The following A3GALT2 variants were observed in gnomAD, a reference collection of about 807,000 sequenced individuals.
A3GALT2 encodes the protein alpha-1,3-galactosyltransferase 2.
Under a neutral mutation model 16.6 loss-of-function variants are expected in A3GALT2, and 14 were observed. The observed-to-expected ratio is 0.84, with a 90% confidence interval of 0.56 to 1.32. A3GALT2 has a LOEUF of 1.32. Among genes scored for constraint, A3GALT2 ranks in the 40% most tolerant of loss-of-function variants. The pLI is 0.00. For missense variants in A3GALT2, 600 were observed against 490.9 expected (o/e 1.22, Z -2.10); for synonymous variants, 253 against 218.0 (o/e 1.16, Z -1.42).
rs140169045 is a variant in A3GALT2, at chr1:33,310,914, G to A, written c.335+1138C>T. ...CCCAAGTAGCCCAGCAGTTCTGCCC[G>A]CCTGGTCCACGGGGCAGCCCTTGGT... On this transcript the variant is annotated intron_variant, in intron 4 of 4. Coordinates refer to ENST00000442999, the MANE Select transcript of A3GALT2 (RefSeq NM_001080438.1). Among the ~76,000 whole-genome samples the A allele has an allele frequency of 2.8e-3, 428 of 152,294 alleles. 3 individuals carry two copies. Among genetic ancestry groups the A allele is most frequent in the African/African-American group, 0.01 (416 of 41,552 alleles).
At position 33,319,925 on chromosome 1, in the gene A3GALT2, T is replaced by G. The variant is rs1028884233; in HGVS notation, c.23+1151A>C. ...TCAGTAGGCATTTGCCATTCCTGTTTACACTTTACACCAAGGCATTTGCAC... is the reference window on the plus strand; with the variant it reads ...TCAGTAGGCATTTGCCATTCCTGTTGACACTTTACACCAAGGCATTTGCAC... On this transcript the variant is annotated intron_variant, in intron 1 of 4. Transcript: ENST00000442999. Among the ~76,000 whole-genome samples the G allele has an allele frequency of 3.3e-5, 5 of 152,028 alleles. No homozygotes were observed. In the Admixed American group the frequency reaches 3.3e-4, roughly 10 times the overall value.
intron 4 of A3GALT2, among the ~76,000 whole-genome samples, chr1:33,308,750 G>GTTTTTTTTTTTTTTTTTTTTT (rs56655319): frequency 1.7e-4 from 8 of 46,116 alleles, no homozygotes; most frequent in South Asian, 1.0e-3. Context: ...TGTCAAAGTT[G>GTTTTTTTTTTTTTTTTTTTTT]TTTTTTTTTT....
chr1:33,321,066 C>G lies in A3GALT2; in HGVS notation c.23+10G>C, dbSNP rs780660437. ...GCTTTCTTCCTCTCCATACCATTGT[C>G]CCCCCTCACCTGAGTCCCTCCTTGA... On this transcript the variant is annotated intron_variant, in intron 1 of 4. Coordinates refer to ENST00000442999, the MANE Select transcript of A3GALT2 (RefSeq NM_001080438.1). 6.2e-7 allele frequency: 1 copy of G among 1,612,968 alleles called. No individual in the cohort carries two copies. The highest frequency in any genetic ancestry group is 1.3e-5 in the African/African-American group (1 of 74,890).
At chr1:33,309,566 G>C (rs1646222675) in intron 4 of A3GALT2, among the ~76,000 whole-genome samples, 5 of 151,124 alleles carry the variant, frequency 3.3e-5, no homozygotes, top group South Asian at 4.2e-4. Flanking sequence ...GCCGGGCGGA[G>C]GGGCTCCTCA....
At position 33,312,840 on chromosome 1, in the gene A3GALT2, A is replaced by G; in HGVS notation, c.74T>C (p.Leu25Ser). 2 of 1,605,910 alleles carry G rather than the reference A, an allele frequency of 1.2e-6. No homozygotes were observed. The highest frequency in any genetic ancestry group is 1.7e-6 in the Non-Finnish European group (2 of 1,176,372). The change falls in exon 2 of 5, where the codon TTA (leucine) becomes TCA (serine). Residue 25 changes from leucine to serine, a missense_variant. Transcript: ENST00000442999. ...AGGGAGGCCATACAGAAACAGGCCT[A>G]AGAGGCCAAGTGTAAGTAGGATCTG... Reference protein sequence around the residue: ...WRQILLTLGLLGLFLYGLPKF... With the variant: ...WRQILLTLGLSGLFLYGLPKF...
chr1:33,312,390 C>T, intron 3 of A3GALT2, 111 bp downstream of exon 3: 1 of 1,321,570 alleles, frequency 7.6e-7, no homozygotes, highest in Non-Finnish European at 1.0e-6. Context: ...GACTTGGTGG[C>T]AGAGTGCCTG....
In A3GALT2 at chr1:33,309,156, A is replaced by G. The variant is rs553383797; in HGVS notation, c.336-1703T>C. Among the ~76,000 whole-genome samples the G allele has an allele frequency of 5.4e-3, 819 of 152,242 alleles. 18 individuals are homozygous for G. The highest frequency in any genetic ancestry group is 0.018 in the African/African-American group (756 of 41,532). ...AGTACAGAACAAAATGGAGTATCCT[A>G]TGTCTACTTCTTTCTACACAGACAC... On this transcript the variant is annotated intron_variant, in intron 4 of 4. Coordinates refer to ENST00000442999, the MANE Select transcript of A3GALT2 (RefSeq NM_001080438.1).
rs1646279077 is a variant in A3GALT2, at chr1:33,320,138, C to T, written c.23+938G>A. ...CTTCCCTTCGCACTCTATTCAGCTC[C>T]TGTCTGAGCTCCTGGAGGGCTGGCT... On this transcript the variant is annotated intron_variant, in intron 1 of 4. Transcript: ENST00000442999. This position sits in a 1 kb window ranked among gnomAD's most constrained non-coding sequence, Gnocchi z 4.3. Among the ~76,000 whole-genome samples, 1 of 151,968 alleles carries T rather than the reference C, an allele frequency of 6.6e-6. No individual in the cohort carries two copies. Among genetic ancestry groups the T allele is most frequent in the Non-Finnish European group, 1.5e-5 (1 of 68,030 alleles).
In A3GALT2 at chr1:33,312,703, G is replaced by T. The variant is rs111307014; in HGVS notation, c.107+104C>A. The T allele has an allele frequency of 3.4e-3, 4,914 of 1,433,070 alleles. 161 individuals carry two copies. The African/African-American group carries it at 0.061, about 18-fold the overall frequency. 88.8% of individuals were successfully genotyped at this position (1,433,070 alleles called of 1,614,324 possible). ...AGAGAGAGCTCACAAGGACACTTGA[G>T]CTGAGTTAGCCACTGCCCTCCATCC... On this transcript the variant is annotated intron_variant, in intron 2 of 4. Transcript: ENST00000442999.
At chr1:33,308,260 C>T (rs547155460) in intron 4 of A3GALT2, among the ~76,000 whole-genome samples, 1 of 151,264 alleles carries the variant, frequency 6.6e-6, no homozygotes, top group African/African-American at 2.4e-5. Context: ...TATAAGAAGT[C>T]CCAGAACTTG....
chr1:33,319,932 T>C (rs1646277657), intron 1 of A3GALT2, among the ~76,000 whole-genome samples: 1 of 152,030 alleles, frequency 6.6e-6, no homozygotes, highest in Admixed American at 6.6e-5. Flanking sequence ...GTTTACACTT[T>C]ACACCAAGGC....
At chr1:33,309,535 C>G (rs1646222391) in intron 4 of A3GALT2, among the ~76,000 whole-genome samples, 1 of 152,086 alleles carries the variant, frequency 6.6e-6, no homozygotes, top group Non-Finnish European at 1.5e-5. Flanking sequence ...AGACGCTCCT[C>G]ACTTCCCAGG....
chr1:33,310,369 G>C (rs1281099701), intron 4 of A3GALT2, among the ~76,000 whole-genome samples: 1 of 152,142 alleles, frequency 6.6e-6, no homozygotes, highest in Non-Finnish European at 1.5e-5. Flanking sequence ...GAAGACCGGG[G>C]AGAGGGAGAG....
intron 4 of A3GALT2, among the ~76,000 whole-genome samples, chr1:33,309,865 G>A (rs1646224881): frequency 6.6e-6 from 1 of 151,958 alleles, no homozygotes; most frequent in Non-Finnish European, 1.5e-5. Context: ...GACGATGGAC[G>A]GCCAGGCAGA....
chr1:33,308,750 G>GTTGTTTTTTTT lies in A3GALT2; in HGVS notation c.336-1298_336-1297insAAAAAAAACAA, dbSNP rs1646216251. Among the ~76,000 whole-genome samples, 118 of 46,092 alleles carry GTTGTTTTTTTT rather than the reference G, an allele frequency of 2.6e-3. 2 individuals are homozygous for GTTGTTTTTTTT. The highest frequency in any genetic ancestry group is 3.8e-3 in the Non-Finnish European group (100 of 26,276). The allele number at this position is 46,092 out of a possible 152,430, so 30.2% of individuals were successfully genotyped here. ...ATTATTTTTTTGTCATGTCAAAGTT[G>GTTGTTTTTTTT]TTTTTTTTTTTTTTTTTTTTTTTTT... On this transcript the variant is annotated intron_variant, in intron 4 of 4. Transcript: ENST00000442999.
chr1:33,312,419 A>G, intron 3 of A3GALT2, 82 bp downstream of exon 3: 1 of 1,397,108 alleles, frequency 7.2e-7, no homozygotes, highest in East Asian at 2.3e-5. Flanking sequence ...GGGGTGGGAG[A>G]TGTGTGGAGG....
chr1:33,308,760 T>TTTTTTG (rs1646217040), intron 4 of A3GALT2, among the ~76,000 whole-genome samples: 1 of 110,308 alleles, frequency 9.1e-6, no homozygotes, highest in Admixed American at 8.2e-5. Flanking sequence ...GTTTTTTTTT[T>TTTTTTG]TTTTTTTTTT....
At chr1:33,308,734 T>C (rs1190060259) in intron 4 of A3GALT2, among the ~76,000 whole-genome samples, 1 of 145,758 alleles carries the variant, frequency 6.9e-6, no homozygotes, top group African/African-American at 2.7e-5. Flanking sequence ...TATTATTTTT[T>C]TGTCATGTCA....
intron 4 of A3GALT2, among the ~76,000 whole-genome samples, chr1:33,309,361 C>A (rs1229164731): frequency 2.6e-5 from 4 of 151,102 alleles, no homozygotes; most frequent in Non-Finnish European, 5.9e-5. Flanking sequence ...AGGCGCCCCC[C>A]CACCTCCCAG....
Sources: allele counts gnomAD v4.1 joint callset (sites outside exome capture counted in the v4.1 genomes callset), GRCh38; gene constraint gnomAD v4.1.1; non-coding constraint Gnocchi (gnomAD v3.1); transcripts MANE v1.5; gene names NCBI Gene and HGNC (gene_info 2026-07-23, HGNC 2026-07-21).